Variants in SKP1 observed in about 807,000 individuals in gnomAD.
The protein encoded by SKP1 is S-phase kinase-associated protein 1.
A neutral mutation model predicts 21.5 loss-of-function variants in SKP1; 1 was observed. The observed-to-expected ratio is 0.05, with a 90% confidence interval of 0.02 to 0.22. The LOEUF is 0.22. Among genes scored for constraint, SKP1 ranks in the 10% least tolerant of loss-of-function variants. The probability of loss-of-function intolerance (pLI) is 1.00; values close to 1 mark genes in which losing one functional copy is unlikely to be tolerated. For missense variants in SKP1, 70 were observed against 192.0 expected (o/e 0.36, Z 3.76); for synonymous variants, 59 against 59.3 (o/e 0.99, Z 0.03).
In SKP1 at chr5:134,166,580, CAAAAAAA is replaced by C. The variant is rs36106913; in HGVS notation, c.171+583_171+589del. 9.3e-4 allele frequency among the ~76,000 whole-genome samples: 49 copies of C among 52,534 alleles called. No homozygotes were observed. In the East Asian group the frequency reaches 0.034, roughly 36 times the overall value. The allele number at this position is 52,534 out of a possible 152,430, so 34.5% of individuals were successfully genotyped here. A position where few individuals can be genotyped will look rare whatever the true frequency, so the allele number is the denominator to read the frequency against. On this transcript the variant is annotated intron_variant, in intron 3 of 5. Coordinates refer to ENST00000353411, the MANE Select transcript of SKP1 (RefSeq NM_170679.3). The stretch of plus-strand genomic sequence containing the variant: ...TGGCGACAGAGCAAGACTCTGGTCT[CAAAAAAA>C]AAAAAAAAAAAAAAAAAAAGAATGT...
At position 134,155,536 on chromosome 5, in the gene SKP1, G is replaced by C. The variant is rs771763522; in HGVS notation, c.*2197C>G. The C allele has an allele frequency of 6.6e-6, 1 of 152,168 alleles. No individual in the cohort carries two copies. Among genetic ancestry groups the C allele is most frequent in the Non-Finnish European group, 1.5e-5 (1 of 68,022 alleles). 9.4% of individuals were successfully genotyped at this position (152,168 alleles called of 1,614,324 possible). A position where few individuals can be genotyped will look rare whatever the true frequency, so the allele number is the denominator to read the frequency against. ...GTTGTTTGTTTAGGGACTACAGAAA[G>C]TCAGGAAACAAAAATTTAAATTACT... On this transcript the variant is annotated 3_prime_UTR_variant, in exon 6 of 6. Coordinates refer to ENST00000353411, the MANE Select transcript of SKP1 (RefSeq NM_170679.3).
chr5:134,170,341 G>A (rs976434563), intron 2 of SKP1, among the ~76,000 whole-genome samples: 26 of 152,096 alleles, frequency 1.7e-4, no homozygotes, highest in African/African-American at 6.0e-4. Flanking sequence ...AAGGATGTAC[G>A]ATATTTTTTG....
At position 134,155,040 on chromosome 5, in the gene SKP1, C is replaced by T. The variant is rs1761101347; in HGVS notation, c.*2693G>A. The stretch of plus-strand genomic sequence containing the variant: ...GCTGCTAAATACAAGTTAAATCCTG[C>T]TGTCAAGTGACTTCCAATGAAGTTC... On this transcript the variant is annotated 3_prime_UTR_variant, in exon 6 of 6. Coordinates refer to ENST00000353411, the MANE Select transcript of SKP1 (RefSeq NM_170679.3). 6.6e-6 allele frequency: 1 copy of T among 152,192 alleles called. No homozygotes were observed. The highest frequency in any genetic ancestry group is 1.5e-5 in the Non-Finnish European group (1 of 68,050). 9.4% of individuals were successfully genotyped at this position (152,192 alleles called of 1,614,324 possible).
chr5:134,170,677 C>G (rs1761423017), intron 2 of SKP1, among the ~76,000 whole-genome samples: 1 of 152,208 alleles, frequency 6.6e-6, no homozygotes, highest in Non-Finnish European at 1.5e-5. Context: ...TAAAACCATT[C>G]ACTTCTGATT....
intron 3 of SKP1, among the ~76,000 whole-genome samples, chr5:134,165,584 TCAAA>T: frequency 6.2e-5 from 1 of 16,164 alleles, no homozygotes; most frequent in African/African-American, 2.5e-4. Context: ...AGTGTCTGTC[TCAAA>T]AAAAAAAAAA....
intron 2 of SKP1, among the ~76,000 whole-genome samples, chr5:134,167,874 A>G (rs536711340): frequency 5.4e-4 from 83 of 152,360 alleles, no homozygotes; most frequent in African/African-American, 1.9e-3. Context: ...GTTATATGCC[A>G]ATACTACACT....
At chr5:134,158,022 G>A in intron 5 of SKP1, 5 of 1,486,554 alleles carry the variant, frequency 3.4e-6, no homozygotes, top group Non-Finnish European at 3.6e-6. Flanking sequence ...AGCAAATTCA[G>A]TTAATTCATT....
At chr5:134,173,415 C>CATTAA in intron 2 of SKP1, 1 of 225,950 alleles carries the variant, frequency 4.4e-6, no homozygotes, top group Non-Finnish European at 9.0e-6. Context: ...TGACTGAGCC[C>CATTAA]AGAAGGTTGA....
chr5:134,172,146 C>T (rs770336351), intron 2 of SKP1, among the ~76,000 whole-genome samples: 17 of 152,382 alleles, frequency 1.1e-4, no homozygotes, highest in Middle Eastern at 6.8e-3. Context: ...CACAGCGCCA[C>T]TTGGCGCGCA....
At chr5:134,169,252 A>C (rs1055114472) in intron 2 of SKP1, among the ~76,000 whole-genome samples, 5 of 152,162 alleles carry the variant, frequency 3.3e-5, no homozygotes, top group Non-Finnish European at 7.4e-5. Flanking sequence ...AAGTAGATTC[A>C]AAAATAATTC....
rs1260663052 is a variant in SKP1, at chr5:134,150,593, G to C, written c.*7140C>G. 1 of 152,180 alleles carries C rather than the reference G, an allele frequency of 6.6e-6. No individual in the cohort carries two copies. Among genetic ancestry groups the C allele is most frequent in the Non-Finnish European group, 1.5e-5 (1 of 68,026 alleles). The allele number at this position is 152,180 out of a possible 1,614,324, so 9.4% of individuals were successfully genotyped here. ...TTGGCTTTTCTTTGAGGTTCTTTGA[G>C]AGTCCTTAACTGCGACTCTCAGATC... On this transcript the variant is annotated 3_prime_UTR_variant, in exon 6 of 6. Transcript: ENST00000353411.
chr5:134,168,112 C>T (rs1761368683), intron 2 of SKP1, among the ~76,000 whole-genome samples: 1 of 152,004 alleles, frequency 6.6e-6, no homozygotes, highest in Non-Finnish European at 1.5e-5. Context: ...TGTGAGTACA[C>T]AAATAAAGGA....
Position 134,155,754 on chromosome 5 carries a change from G to A in SKP1, c.*1979C>T, listed in dbSNP as rs1455291451. The A allele has an allele frequency of 2.0e-5, 3 of 152,136 alleles. No individual in the cohort carries two copies. The highest frequency in any genetic ancestry group is 4.4e-5 in the Non-Finnish European group (3 of 68,034). The allele number at this position is 152,136 out of a possible 1,614,324, so 9.4% of individuals were successfully genotyped here. A position where few individuals can be genotyped will look rare whatever the true frequency, so the allele number is the denominator to read the frequency against. On this transcript the variant is annotated 3_prime_UTR_variant, in exon 6 of 6. Coordinates refer to ENST00000353411, the MANE Select transcript of SKP1 (RefSeq NM_170679.3). Reference sequence around the variant, plus strand: ...AACATGGCATATGGCAGTAATCCTGGACCTTCAGTGAAGATTTGTTTGTCA... The same window carrying A: ...AACATGGCATATGGCAGTAATCCTGAACCTTCAGTGAAGATTTGTTTGTCA...
chr5:134,161,447 G>C (rs541226463), intron 3 of SKP1: 7 of 201,236 alleles, frequency 3.5e-5, no homozygotes, highest in Middle Eastern at 1.8e-3. Flanking sequence ...TTAGCTGAGA[G>C]AATATAAAAT....
chr5:134,157,442 T>C lies in SKP1; in HGVS notation c.*291A>G, dbSNP rs892407946. On this transcript the variant is annotated 3_prime_UTR_variant, in exon 6 of 6. Transcript: ENST00000353411. ...AACTGGACAATAAACTAGGCAGACA[T>C]TGCTTTACAAAAAAGAGGGAAAGCC... The C allele has an allele frequency of 1.7e-5, 5 of 291,678 alleles. No individual in the cohort carries two copies. The highest frequency in any genetic ancestry group is 1.3e-4 in the East Asian group (2 of 15,866). The allele number at this position is 291,678 out of a possible 1,614,324, so 18.1% of individuals were successfully genotyped here. A position where few individuals can be genotyped will look rare whatever the true frequency, so the allele number is the denominator to read the frequency against.
intron 1 of SKP1, chr5:134,176,563 CG>C (rs1323068328): frequency 6.6e-6 from 1 of 152,312 alleles, no homozygotes; most frequent in Admixed American, 6.5e-5. Context: ...AGCTCCGCGC[CG>C]GCTGACGCTC....
chr5:134,157,862 T>C (rs1303271177), intron 5 of SKP1, 94 bp from the exon 6 acceptor site: 3 of 1,609,236 alleles, frequency 1.9e-6, no homozygotes, highest in African/African-American at 2.7e-5. Context: ...AGCCAGTGAG[T>C]TGAGTCAGAA....
chr5:134,153,519 G>A lies in SKP1; in HGVS notation c.*4214C>T, dbSNP rs568629243. The A allele has an allele frequency of 6.6e-6, 1 of 152,258 alleles. No individual in the cohort carries two copies. The highest frequency in any genetic ancestry group is 1.9e-4 in the East Asian group (1 of 5,180). 9.4% of individuals were successfully genotyped at this position (152,258 alleles called of 1,614,324 possible). ...TCAAAAAGCTCTTCGGGCTACTCTG[G>A]GCACACTGCCTATGGGGTAGTCCTG... On this transcript the variant is annotated 3_prime_UTR_variant, in exon 6 of 6. Coordinates refer to ENST00000353411, the MANE Select transcript of SKP1 (RefSeq NM_170679.3).
At chr5:134,158,214 A>G (rs1279683986) in intron 5 of SKP1, 2 of 1,421,624 alleles carry the variant, frequency 1.4e-6, no homozygotes, top group East Asian at 2.6e-5. Context: ...GTAACTGTTA[A>G]TACATTAACA....
Sources: allele counts gnomAD v4.1 joint callset (sites outside exome capture counted in the v4.1 genomes callset), GRCh38; gene constraint gnomAD v4.1.1; transcripts MANE v1.5; gene names NCBI Gene and HGNC (gene_info 2026-07-23, HGNC 2026-07-21).